HRH1: variants seen among roughly 807,000 people sequenced by gnomAD.
The protein encoded by HRH1 is histamine receptor H1.
A neutral mutation model predicts 10.3 loss-of-function variants in HRH1; 6 were observed. The observed-to-expected ratio is 0.58, with a 90% CI of 0.32 to 1.15. The LOEUF (loss-of-function observed/expected upper bound fraction) is 1.15, where lower values mean the gene tolerates loss of function less well. HRH1 is among the 50% of genes most tolerant of loss of function. The pLI is 0.05. For missense variants in HRH1, 514 were observed against 615.3 expected (o/e 0.84, Z 1.74); for synonymous variants, 242 against 236.7 (o/e 1.02, Z -0.21).
intron 1 of HRH1, among the ~76,000 whole-genome samples, chr3:11,207,617 C>T (rs755765333): frequency 1.3e-5 from 2 of 152,188 alleles, no homozygotes; most frequent in East Asian, 3.9e-4. Context: ...TGAGGTCCTT[C>T]GCTTACTTGC....
chr3:11,139,005 T>TTTAGGAC (rs1559248144), intron 1 of HRH1, among the ~76,000 whole-genome samples: 2 of 75,932 alleles, frequency 2.6e-5, no homozygotes, highest in Non-Finnish European at 6.3e-5. Context: ...TTTTTTTTTT[T>TTTAGGAC]AGAAAGAATT....
chr3:11,201,811 G>A (rs761361915), intron 1 of HRH1, among the ~76,000 whole-genome samples: 53 of 152,294 alleles, frequency 3.5e-4, no homozygotes, highest in African/African-American at 1.1e-3. Context: ...AAATAAAAGC[G>A]GGGACCTTGC....
chr3:11,178,323 C>T (rs547077398), intron 1 of HRH1, among the ~76,000 whole-genome samples: 74 of 152,338 alleles, frequency 4.9e-4, no homozygotes, highest in African/African-American at 1.7e-3. Flanking sequence ...GATGATCCTT[C>T]TTGAAGAGGC....
rs1394626873 is a variant in HRH1, at chr3:11,179,597, G to A, written c.-36+25043G>A. 4.0e-5 allele frequency among the ~76,000 whole-genome samples: 6 copies of A among 150,330 alleles called. No individual in the cohort carries two copies. In the East Asian group the frequency reaches 7.8e-4, roughly 20 times the overall value. Reference sequence around the variant, plus strand: ...ATTACGCCACTGCACTCCAGCCTGGGTGACAGAGCAAGACTCTGTCTCAAA... The same window carrying A: ...ATTACGCCACTGCACTCCAGCCTGGATGACAGAGCAAGACTCTGTCTCAAA... On this transcript the variant is annotated intron_variant, in intron 1 of 1. Coordinates refer to ENST00000431010, the MANE Select transcript of HRH1 (RefSeq NM_001098212.2).
chr3:11,176,068 G>A (rs1201350500), intron 1 of HRH1, among the ~76,000 whole-genome samples: 1 of 151,706 alleles, frequency 6.6e-6, no homozygotes, highest in Non-Finnish European at 1.5e-5. Context: ...AGCTACTCGG[G>A]AGGCTGAAGT....
At chr3:11,219,512 A>G (rs1575022084) in intron 1 of HRH1, among the ~76,000 whole-genome samples, 1 of 151,812 alleles carries the variant, frequency 6.6e-6, no homozygotes, top group Non-Finnish European at 1.5e-5. Context: ...AGGAGTTCAA[A>G]ACCAGCCTGG....
At position 11,225,112 on chromosome 3, in the gene HRH1, C is replaced by T. The variant is rs1938840661; in HGVS notation, c.-35-33891C>T. Among the ~76,000 whole-genome samples the T allele has an allele frequency of 2.6e-5, 4 of 152,142 alleles. No homozygotes were observed. In the South Asian group the frequency reaches 6.2e-4, roughly 24 times the overall value. On this transcript the variant is annotated intron_variant, in intron 1 of 1. Transcript: ENST00000431010. ...AGCAGGGCCAGGAGACCAAGGGACC[C>T]CTTCAAAGCCAAACTGAGGACTTGG...
chr3:11,156,322 G>A (rs1046052014), intron 1 of HRH1, among the ~76,000 whole-genome samples: 12 of 152,286 alleles, frequency 7.9e-5, no homozygotes, highest in African/African-American at 2.9e-4. Flanking sequence ...GGCCGGAGCA[G>A]CCTGCCAAGA....
chr3:11,200,247 C>A (rs370115003), intron 1 of HRH1, among the ~76,000 whole-genome samples: 1 of 152,186 alleles, frequency 6.6e-6, no homozygotes, highest in South Asian at 2.1e-4. Flanking sequence ...AGGTGTGAAA[C>A]TAACCAGCCC....
intron 1 of HRH1, among the ~76,000 whole-genome samples, chr3:11,144,251 G>A (rs768433556): frequency 4.0e-5 from 6 of 151,440 alleles, no homozygotes; most frequent in Admixed American, 6.6e-5. Flanking sequence ...ACCTGCACGC[G>A]TATGTTTATT....
intron 1 of HRH1, among the ~76,000 whole-genome samples, chr3:11,198,485 T>C (rs1027467093): frequency 2.0e-5 from 3 of 152,134 alleles, no homozygotes; most frequent in African/African-American, 7.2e-5. Context: ...TCATTGAATG[T>C]CTGTTTTTGC....
chr3:11,250,406 G>A (rs1466689483), intron 1 of HRH1, among the ~76,000 whole-genome samples: 1 of 151,930 alleles, frequency 6.6e-6, no homozygotes, highest in Non-Finnish European at 1.5e-5. Context: ...CTTTGGAGAG[G>A]GGTACCCGGG....
intron 1 of HRH1, among the ~76,000 whole-genome samples, chr3:11,143,938 A>T (rs531202691): frequency 2.6e-5 from 4 of 152,346 alleles, no homozygotes; most frequent in South Asian, 2.1e-4. Flanking sequence ...TGGCCAAAAA[A>T]ATATAAAAAA....
intron 1 of HRH1, among the ~76,000 whole-genome samples, chr3:11,207,029 G>C (rs145126739): frequency 6.6e-6 from 1 of 152,148 alleles, no homozygotes; most frequent in Non-Finnish European, 1.5e-5. Flanking sequence ...GTTGAAGGAC[G>C]GATGGAAGTC....
chr3:11,222,782 C>T (rs1413832628), intron 1 of HRH1, among the ~76,000 whole-genome samples: 3 of 152,146 alleles, frequency 2.0e-5, no homozygotes, highest in Non-Finnish European at 4.4e-5. Flanking sequence ...CAACACTACA[C>T]CCTCCCACTC....
chr3:11,251,703 G>C, intron 1 of HRH1, among the ~76,000 whole-genome samples: 1 of 152,172 alleles, frequency 6.6e-6, no homozygotes, highest in East Asian at 1.9e-4. Context: ...ATCATCTGTA[G>C]TTCGGATTAA....
chr3:11,219,557 A>C (rs574080794), intron 1 of HRH1, among the ~76,000 whole-genome samples: 1 of 152,032 alleles, frequency 6.6e-6, no homozygotes, highest in Non-Finnish European at 1.5e-5. Flanking sequence ...TACTAAAAAT[A>C]CAAAAATTAG....
intron 1 of HRH1, among the ~76,000 whole-genome samples, chr3:11,176,472 G>T (rs958203999): frequency 6.6e-6 from 1 of 152,108 alleles, no homozygotes; most frequent in African/African-American, 2.4e-5. Flanking sequence ...CTAACGTGGG[G>T]TGGGGTGGGG....
chr3:11,140,842 T>C (rs1296904987), intron 1 of HRH1, among the ~76,000 whole-genome samples: 2 of 152,200 alleles, frequency 1.3e-5, no homozygotes, highest in Admixed American at 6.5e-5. Context: ...GCTTTGTAAG[T>C]GCAAAGTGCC....
Sources: allele counts gnomAD v4.1 joint callset (sites outside exome capture counted in the v4.1 genomes callset), GRCh38; gene constraint gnomAD v4.1.1; transcripts MANE v1.5; gene names NCBI Gene and HGNC (gene_info 2026-07-23, HGNC 2026-07-21).